The following AFF3 variants were observed in gnomAD, a reference collection of about 807,000 sequenced individuals.
The protein encoded by AFF3 is AF4/FMR2 family member 3.
A neutral mutation model predicts 129.7 loss-of-function variants in AFF3; 32 were observed. That is an observed-to-expected ratio of 0.25 (90% CI 0.19 to 0.33). The LOEUF (loss-of-function observed/expected upper bound fraction) is 0.33, where lower values mean the gene tolerates loss of function less well. Ranked by LOEUF, AFF3 falls within the 10% of genes least tolerant of loss-of-function variation. The pLI, the probability that AFF3 is intolerant of heterozygous loss-of-function variation, is 1.00. For missense variants in AFF3, 1,373 were observed against 1,592.0 expected (o/e 0.86, Z 2.34); for synonymous variants, 644 against 635.4 (o/e 1.01, Z -0.20).
Position 99,648,909 on chromosome 2 carries a change from A to ACTCTCTCT in AFF3, c.1184+716_1184+717insAGAGAGAG, listed in dbSNP as rs1553416890. Among the ~76,000 whole-genome samples, 231 of 43,064 alleles carry ACTCTCTCT rather than the reference A, an allele frequency of 5.4e-3. 1 individual carries two copies. The highest frequency in any genetic ancestry group is 8.3e-3 in the Non-Finnish European group (157 of 18,996). The allele number at this position is 43,064 out of a possible 152,430, so 28.3% of individuals were successfully genotyped here. The stretch of plus-strand genomic sequence containing the variant: ...CGCACACACACACACACACACACAC[A>ACTCTCTCT]CACACACACTCTCTCTCTCTCTCTC... On this transcript the variant is annotated intron_variant, in intron 13 of 24. Transcript: ENST00000672756.
chr2:99,863,962 A>C (rs894701243), intron 7 of AFF3, among the ~76,000 whole-genome samples: 1 of 152,236 alleles, frequency 6.6e-6, no homozygotes, highest in African/African-American at 2.4e-5. Flanking sequence ...CAGGAAACAG[A>C]AGCAGACATA....
Position 99,687,615 on chromosome 2 carries a change from G to GAGGGTC in AFF3, c.1092-15032_1092-15027dup, listed in dbSNP as rs369063678. Among the ~76,000 whole-genome samples, 779 of 152,292 alleles carry GAGGGTC rather than the reference G, an allele frequency of 5.1e-3. 6 individuals carry two copies. Among genetic ancestry groups the GAGGGTC allele is most frequent in the African/African-American group, 0.017 (715 of 41,566 alleles). On this transcript the variant is annotated intron_variant, in intron 11 of 24. Transcript: ENST00000672756. Reference sequence around the variant, plus strand: ...AAGAGGCTGATGAACCTTCCCAAGCGAGGGTCTCATAAGCAGGGAGGAAAG... The same window carrying GAGGGTC: ...AAGAGGCTGATGAACCTTCCCAAGCGAGGGTCAGGGTCTCATAAGCAGGGAGGAAAG...
At chr2:99,832,871 G>C (rs977196771) in intron 8 of AFF3, among the ~76,000 whole-genome samples, 1 of 152,086 alleles carries the variant, frequency 6.6e-6, no homozygotes, top group Non-Finnish European at 1.5e-5. Context: ...TTTTGCCATT[G>C]GTGGGCTTCA....
rs566492034 is a variant in AFF3 at position 99,558,238 on chromosome 2, A to T, written c.3285+637T>A. ...TTCTAAGGAAAAGAAGCTCTAAGTGAGCATGAGGAATTTATGTTAGCTATA... is the reference window on the plus strand; with the variant it reads ...TTCTAAGGAAAAGAAGCTCTAAGTGTGCATGAGGAATTTATGTTAGCTATA... On this transcript the variant is annotated intron_variant, in intron 22 of 24. Coordinates refer to ENST00000672756, the MANE Select transcript of AFF3 (RefSeq NM_001386135.1). Among the ~76,000 whole-genome samples the T allele has an allele frequency of 6.5e-4, 99 of 152,358 alleles. No individual in the cohort carries two copies. In the Middle Eastern group the frequency reaches 0.01, roughly 16 times the overall value.
intron 8 of AFF3, among the ~76,000 whole-genome samples, chr2:99,816,002 C>T (rs1041913611): frequency 6.6e-5 from 10 of 151,246 alleles, no homozygotes; most frequent in Non-Finnish European, 1.5e-4. Context: ...ATGAATGTTA[C>T]CATTTGATAT....
At chr2:99,839,698 G>A (rs1242229843) in intron 7 of AFF3, among the ~76,000 whole-genome samples, 2 of 150,684 alleles carry the variant, frequency 1.3e-5, no homozygotes, top group Non-Finnish European at 1.5e-5. Flanking sequence ...TGCAAGCTCC[G>A]CCTCCCAGGT....
At chr2:99,639,452 C>T (rs1683980225) in intron 13 of AFF3, among the ~76,000 whole-genome samples, 1 of 152,136 alleles carries the variant, frequency 6.6e-6, no homozygotes. Flanking sequence ...ACTTGCTGGG[C>T]CTGTTAGAGA....
At chr2:100,139,633 G>C (rs915597744) in intron 1 of AFF3, among the ~76,000 whole-genome samples, 8 of 152,154 alleles carry the variant, frequency 5.3e-5, no homozygotes, top group Admixed American at 2.6e-4. Flanking sequence ...TTTTAATGAT[G>C]AGAACAATGG....
At chr2:100,083,023 T>C (rs528053113) in intron 4 of AFF3, among the ~76,000 whole-genome samples, 1 of 152,260 alleles carries the variant, frequency 6.6e-6, no homozygotes, top group South Asian at 2.1e-4. Flanking sequence ...GAGGTTGTGG[T>C]GAGCCAAGAT....
chr2:99,615,291 T>C (rs558053872), intron 13 of AFF3, among the ~76,000 whole-genome samples: 13 of 152,360 alleles, frequency 8.5e-5, no homozygotes, highest in South Asian at 6.2e-4. Flanking sequence ...AAGCCCTGTG[T>C]TGGCTTGGCC....
intron 13 of AFF3, among the ~76,000 whole-genome samples, chr2:99,643,383 A>G (rs1684397860): frequency 6.6e-6 from 1 of 152,142 alleles, no homozygotes; most frequent in Admixed American, 6.5e-5. Context: ...ATAAGGAGCC[A>G]TATTGCTTTG....
At chr2:99,950,762 T>C (rs528032799) in intron 7 of AFF3, among the ~76,000 whole-genome samples, 319 of 152,352 alleles carry the variant, frequency 2.1e-3, no homozygotes, top group Middle Eastern at 6.8e-3. Context: ...AATATGTGAA[T>C]TTTAAACTGT....
Position 100,077,653 on chromosome 2 carries a change from C to T in AFF3, c.53+26749G>A, listed in dbSNP as rs930925027. 3.9e-5 allele frequency among the ~76,000 whole-genome samples: 6 copies of T among 152,160 alleles called. No homozygotes were observed. The East Asian group carries it at 1.2e-3, about 29-fold the overall frequency. Reference sequence around the variant, plus strand: ...GTTACTTCCTCCTTCCTGATCTAATCCAATCTAGGAGTTTGGGGAAGTGGA... The same window carrying T: ...GTTACTTCCTCCTTCCTGATCTAATTCAATCTAGGAGTTTGGGGAAGTGGA... On this transcript the variant is annotated intron_variant, in intron 4 of 24. Coordinates refer to ENST00000672756, the MANE Select transcript of AFF3 (RefSeq NM_001386135.1).
chr2:100,029,504 C>T (rs773130233), intron 4 of AFF3, among the ~76,000 whole-genome samples: 2 of 152,090 alleles, frequency 1.3e-5, no homozygotes, highest in African/African-American at 4.8e-5. Context: ...TAGCAACTAA[C>T]GCATACAACA....
At chr2:99,841,884 A>G (rs1689342060) in intron 7 of AFF3, among the ~76,000 whole-genome samples, 1 of 152,172 alleles carries the variant, frequency 6.6e-6, no homozygotes, top group Admixed American at 6.5e-5. Flanking sequence ...ATGCTGAGGT[A>G]ACTTGCATGC....
intron 20 of AFF3, among the ~76,000 whole-genome samples, chr2:99,562,943 G>A (rs1675605180): frequency 6.6e-6 from 1 of 152,098 alleles, no homozygotes; most frequent in African/African-American, 2.4e-5. Context: ...AGAGTGGAAG[G>A]GTGGGAGGAG....
chr2:99,574,706 A>C (rs1015070221), intron 18 of AFF3, among the ~76,000 whole-genome samples: 1 of 152,214 alleles, frequency 6.6e-6, no homozygotes, highest in African/African-American at 2.4e-5. Context: ...TTACTTTTTT[A>C]AAAAAGCTGC....
At chr2:99,734,604 C>T (rs1394677105) in intron 10 of AFF3, among the ~76,000 whole-genome samples, 1 of 151,776 alleles carries the variant, frequency 6.6e-6, no homozygotes, top group Non-Finnish European at 1.5e-5. Flanking sequence ...TTATCAAATG[C>T]TTTTTCTTAA....
rs1465849335 is a variant in AFF3 at position 99,548,064 on chromosome 2, G to A, written c.*3410C>T. The A allele has an allele frequency of 1.4e-5, 3 of 207,908 alleles. No homozygotes were observed. The highest frequency in any genetic ancestry group is 2.9e-5 in the Non-Finnish European group (3 of 101,780). The allele number at this position is 207,908 out of a possible 1,614,324, so 12.9% of individuals were successfully genotyped here. A position where few individuals can be genotyped will look rare whatever the true frequency, so the allele number is the denominator to read the frequency against. On this transcript the variant is annotated 3_prime_UTR_variant, in exon 25 of 25. Transcript: ENST00000672756. ...TCTCCAGGCACGATTCTGCACATGA[G>A]TCTGATCTGTGTAGAGTAGTATCAT...
Sources: gnomAD v4.1 joint callset for allele counts (sites outside exome capture counted in the v4.1 genomes callset) on GRCh38, gnomAD v4.1.1 for gene constraint, MANE v1.5 for transcripts, NCBI Gene and HGNC (gene_info 2026-07-23, HGNC 2026-07-21) for gene names.